The following KIF16B variants were observed in gnomAD, a reference collection of about 807,000 sequenced individuals.
The protein encoded by KIF16B is kinesin family member 16B.
KIF16B carries 98 observed loss-of-function variants against 156.3 expected under a neutral mutation model. The observed-to-expected ratio is 0.63, with a 90% CI of 0.53 to 0.74. The LOEUF (loss-of-function observed/expected upper bound fraction) is 0.74. Among genes scored for constraint, KIF16B ranks in the 30% least tolerant of loss-of-function variants. The probability of loss-of-function intolerance (pLI) is 0.00; values close to 1 mark genes in which losing one functional copy is unlikely to be tolerated. For synonymous variants in KIF16B, 564 were observed against 583.7 expected, an observed-to-expected ratio of 0.97 and a Z score of 0.49; for missense variants, 1,421 against 1,606.5, an observed-to-expected ratio of 0.88 and a Z score of 1.97.
intron 12 of KIF16B, among the ~76,000 whole-genome samples, chr20:16,433,636 C>T (rs1292125938): frequency 2.0e-5 from 3 of 151,850 alleles, no homozygotes; most frequent in African/African-American, 7.3e-5. Flanking sequence ...CACTCACATA[C>T]ACTTCCATAT....
chr20:16,274,379 T>G (rs571533908), intron 25 of KIF16B, among the ~76,000 whole-genome samples: 16 of 152,286 alleles, frequency 1.1e-4, no homozygotes, highest in African/African-American at 3.4e-4. Context: ...TATGTGAGAC[T>G]AGGCTCTGGG....
At chr20:16,503,736 T>C (rs1382085926) in intron 10 of KIF16B, among the ~76,000 whole-genome samples, 1 of 152,148 alleles carries the variant, frequency 6.6e-6, no homozygotes, top group Non-Finnish European at 1.5e-5. Context: ...CCACCAATCA[T>C]CACGGAATGT....
At chr20:16,382,834 C>T (rs2065131570) in intron 17 of KIF16B, among the ~76,000 whole-genome samples, 1 of 150,430 alleles carries the variant, frequency 6.6e-6, no homozygotes, top group African/African-American at 2.5e-5. Flanking sequence ...AGCTAAAAAG[C>T]TTGGCTACAG....
At chr20:16,333,615 T>C (rs533696263) in intron 24 of KIF16B, among the ~76,000 whole-genome samples, 1 of 152,328 alleles carries the variant, frequency 6.6e-6, no homozygotes, top group African/African-American at 2.4e-5. Flanking sequence ...TCTGTGTTCA[T>C]TCATTTTGCC....
intron 25 of KIF16B, among the ~76,000 whole-genome samples, chr20:16,304,126 G>A (rs990888923): frequency 6.6e-6 from 1 of 152,160 alleles, no homozygotes; most frequent in Non-Finnish European, 1.5e-5. Context: ...TTGATGACAT[G>A]CAGGGAGTCC....
intron 23 of KIF16B, among the ~76,000 whole-genome samples, chr20:16,340,015 C>T (rs2064112647): frequency 6.6e-6 from 1 of 152,108 alleles, no homozygotes; most frequent in South Asian, 2.1e-4. Flanking sequence ...ATAACATGTC[C>T]CATCTCACTC....
At chr20:16,371,591 A>AAC (rs2064821496) in intron 21 of KIF16B, 74 bp downstream of exon 21, 1 of 541,232 alleles carries the variant, frequency 1.8e-6, no homozygotes, top group African/African-American at 2.0e-5. Flanking sequence ...CTCAGTCTCA[A>AAC]AAAAAAAAAA....
At chr20:16,338,010 AG>A in intron 23 of KIF16B, among the ~76,000 whole-genome samples, 1 of 152,198 alleles carries the variant, frequency 6.6e-6, no homozygotes, top group East Asian at 1.9e-4. Context: ...CCAAAAGCCT[AG>A]GTTTCTCACA....
rs914242324 is a variant in KIF16B at position 16,353,579 on chromosome 20, A to G, written c.3621+2751T>C. Among the ~76,000 whole-genome samples, 8 of 142,754 alleles carry G rather than the reference A, an allele frequency of 5.6e-5. No homozygotes were observed. In the East Asian group the frequency reaches 1.0e-3, roughly 18 times the overall value. 93.7% of individuals were successfully genotyped at this position (142,754 alleles called of 152,430 possible). Reference sequence around the variant, plus strand: ...ATCCACTCCTCATACCAACCCAATGAGGGGGGGGTTTATGATTCCCATTTG... The same window carrying G: ...ATCCACTCCTCATACCAACCCAATGGGGGGGGGGTTTATGATTCCCATTTG... On this transcript the variant is annotated intron_variant, in intron 23 of 25. Coordinates refer to ENST00000354981, the MANE Select transcript of KIF16B (RefSeq NM_024704.5).
intron 1 of KIF16B, among the ~76,000 whole-genome samples, chr20:16,530,408 G>A (rs923118516): frequency 2.0e-5 from 3 of 152,138 alleles, no homozygotes; most frequent in Admixed American, 1.3e-4. Flanking sequence ...TCTCTCTTCT[G>A]CCCTCTCTGT....
intron 3 of KIF16B, among the ~76,000 whole-genome samples, chr20:16,524,842 A>G (rs2147133955): frequency 6.6e-6 from 1 of 152,368 alleles, no homozygotes; most frequent in East Asian, 1.9e-4. Context: ...AATACTATGC[A>G]GCCATAAAAA....
chr20:16,290,097 C>T (rs556858774), intron 25 of KIF16B, among the ~76,000 whole-genome samples: 1 of 152,268 alleles, frequency 6.6e-6, no homozygotes, highest in South Asian at 2.1e-4. Flanking sequence ...TATAAACCTT[C>T]AGAGATTCCT....
At chr20:16,476,188 GA>G (rs1242555921) in intron 12 of KIF16B, among the ~76,000 whole-genome samples, 1 of 152,144 alleles carries the variant, frequency 6.6e-6, no homozygotes, top group Non-Finnish European at 1.5e-5. Flanking sequence ...GCAGTCTGTA[GA>G]ACAACATTTA....
At chr20:16,401,216 C>T (rs532064306) in intron 17 of KIF16B, among the ~76,000 whole-genome samples, 2 of 152,284 alleles carry the variant, frequency 1.3e-5, no homozygotes, top group South Asian at 4.1e-4. Context: ...TCAGATGCAT[C>T]CAGAACCACT....
intron 14 of KIF16B, among the ~76,000 whole-genome samples, chr20:16,427,865 T>C (rs2066397794): frequency 6.6e-6 from 1 of 152,180 alleles, no homozygotes; most frequent in South Asian, 2.1e-4. Context: ...GATTCTTGTT[T>C]GAAGAATGGT....
chr20:16,472,298 C>T (rs2067683848), intron 12 of KIF16B, among the ~76,000 whole-genome samples: 1 of 152,134 alleles, frequency 6.6e-6, no homozygotes, highest in Non-Finnish European at 1.5e-5. Context: ...CTCTTGTAGG[C>T]ACAGTGCTAA....
chr20:16,442,587 C>T (rs1416316586), intron 12 of KIF16B, among the ~76,000 whole-genome samples: 1 of 151,826 alleles, frequency 6.6e-6, no homozygotes, highest in Non-Finnish European at 1.5e-5. Flanking sequence ...TTTTTAATTA[C>T]ACAGAAAATA....
intron 12 of KIF16B, among the ~76,000 whole-genome samples, chr20:16,480,650 G>A (rs535516768): frequency 6.6e-6 from 1 of 152,184 alleles, no homozygotes; most frequent in Non-Finnish European, 1.5e-5. Flanking sequence ...CAGAACAACC[G>A]CAGAGAGGAG....
At chr20:16,295,489 T>A (rs1052689630) in intron 25 of KIF16B, among the ~76,000 whole-genome samples, 24 of 149,858 alleles carry the variant, frequency 1.6e-4, no homozygotes, top group African/African-American at 5.8e-4. Context: ...CTATTTAAAG[T>A]TATACTTATA....
Sources: gnomAD v4.1 joint callset for allele counts (sites outside exome capture counted in the v4.1 genomes callset) on GRCh38, gnomAD v4.1.1 for gene constraint, MANE v1.5 for transcripts, NCBI Gene and HGNC (gene_info 2026-07-23, HGNC 2026-07-21) for gene names.